KCND2: variants seen among roughly 807,000 people sequenced by gnomAD.
KCND2 encodes A-type voltage-gated potassium channel KCND2.
KCND2 carries 16 observed loss-of-function variants against 54.4 expected under a neutral mutation model. The ratio of observed to expected loss-of-function variants is 0.29; its 90% CI spans 0.20 to 0.45. The LOEUF is 0.45. Ranked by LOEUF, KCND2 falls within the 20% of genes least tolerant of loss-of-function variation. The pLI is 1.00. For missense variants in KCND2, 486 were observed against 824.2 expected, an observed-to-expected ratio of 0.59 and a Z score of 5.02; for synonymous variants, 317 against 310.7, an observed-to-expected ratio of 1.02 and a Z score of -0.21.
chr7:120,590,577 T>C (rs1792658237), intron 1 of KCND2, among the ~76,000 whole-genome samples: 1 of 152,216 alleles, frequency 6.6e-6, no homozygotes, highest in Non-Finnish European at 1.5e-5. Flanking sequence ...TCATTAAATA[T>C]ATTGCAAATG....
At chr7:120,602,371 T>C (rs1384427483) in intron 1 of KCND2, among the ~76,000 whole-genome samples, 2 of 152,184 alleles carry the variant, frequency 1.3e-5, no homozygotes, top group Non-Finnish European at 2.9e-5. Context: ...TTTGTTTTCC[T>C]CTTTGCCATT....
chr7:120,474,606 C>G (rs1410243746), intron 1 of KCND2, among the ~76,000 whole-genome samples: 2 of 151,738 alleles, frequency 1.3e-5, no homozygotes, highest in Non-Finnish European at 2.9e-5. Context: ...TCAGGTTATC[C>G]ACCTGCCTCA....
intron 1 of KCND2, among the ~76,000 whole-genome samples, chr7:120,390,578 T>A (rs543693987): frequency 4.9e-4 from 75 of 152,154 alleles, no homozygotes; most frequent in African/African-American, 1.7e-3. Flanking sequence ...GTTCAATTCC[T>A]ATGCTATATA....
intron 1 of KCND2, among the ~76,000 whole-genome samples, chr7:120,708,968 GAA>G (rs1330904742): frequency 1.1e-4 from 17 of 152,008 alleles, no homozygotes. Context: ...CTGAATCTTA[GAA>G]AAGTTAATTA....
intron 1 of KCND2, among the ~76,000 whole-genome samples, chr7:120,436,274 A>G (rs572328046): frequency 3.2e-4 from 49 of 152,362 alleles, no homozygotes; most frequent in African/African-American, 1.1e-3. Context: ...ATGGACTTTA[A>G]TATGTACTCA....
Position 120,557,244 on chromosome 7 carries a change from G to A in KCND2, c.1116-175659G>A, listed in dbSNP as rs1037399548. ...ATAAAGATAAAATCAGGGTAATTGG[G>A]AGGTCTCTTACCTTAAATATTTATC... On this transcript the variant is annotated intron_variant, in intron 1 of 5. Transcript: ENST00000331113. 2.0e-5 allele frequency among the ~76,000 whole-genome samples: 3 copies of A among 152,072 alleles called. No homozygotes were observed. The East Asian group carries it at 5.8e-4, about 29-fold the overall frequency.
intron 2 of KCND2, among the ~76,000 whole-genome samples, chr7:120,739,893 T>C (rs1047703512): frequency 2.0e-5 from 3 of 151,852 alleles, no homozygotes; most frequent in Non-Finnish European, 4.4e-5. Flanking sequence ...GATAAGCTCA[T>C]CATCATATTC....
At chr7:120,410,988 G>A (rs1380296309) in intron 1 of KCND2, among the ~76,000 whole-genome samples, 1 of 151,832 alleles carries the variant, frequency 6.6e-6, no homozygotes, top group African/African-American at 2.4e-5. Flanking sequence ...AAAAGAGGAA[G>A]TCAAATTGTC....
At chr7:120,695,081 A>G (rs1792317291) in intron 1 of KCND2, among the ~76,000 whole-genome samples, 1 of 152,190 alleles carries the variant, frequency 6.6e-6, no homozygotes, top group Admixed American at 6.6e-5. Flanking sequence ...CCTTAGGGGT[A>G]TAGTTCTTAT....
At chr7:120,284,314 C>T (rs879317936) in intron 1 of KCND2, among the ~76,000 whole-genome samples, 3 of 151,904 alleles carry the variant, frequency 2.0e-5, no homozygotes, top group Non-Finnish European at 2.9e-5. Flanking sequence ...CACACGCGCG[C>T]ACACTCCAAC....
rs546970317 is a variant in KCND2, at chr7:120,524,579, A to G, written c.1116-208324A>G. Among the ~76,000 whole-genome samples the G allele has an allele frequency of 9.3e-4, 142 of 152,338 alleles. 2 individuals carry two copies. Among genetic ancestry groups the G allele is most frequent in the South Asian group, 1.7e-3 (8 of 4,830 alleles). On this transcript the variant is annotated intron_variant, in intron 1 of 5. Transcript: ENST00000331113. ...TTACCTTAGAGTCATCTTAATTCAC[A>G]ATAATGACAGAAAGATAATTGCTGA...
intron 1 of KCND2, among the ~76,000 whole-genome samples, chr7:120,313,705 C>G (rs867143696): frequency 3.9e-4 from 58 of 146,970 alleles, no homozygotes; most frequent in African/African-American, 1.3e-3. Flanking sequence ...AAGCATTGCT[C>G]TTCTTTAGAA....
chr7:120,670,090 G>T (rs1791973724), intron 1 of KCND2, among the ~76,000 whole-genome samples: 1 of 151,976 alleles, frequency 6.6e-6, no homozygotes, highest in African/African-American at 2.4e-5. Context: ...TAAAATCTCA[G>T]AAATCACCAG....
intron 1 of KCND2, among the ~76,000 whole-genome samples, chr7:120,313,595 C>T (rs1026971592): frequency 2.0e-5 from 3 of 151,954 alleles, no homozygotes; most frequent in Admixed American, 6.6e-5. Flanking sequence ...TGGAATGACG[C>T]CTTGAAGTAG....
At chr7:120,384,049 T>C (rs1489124820) in intron 1 of KCND2, among the ~76,000 whole-genome samples, 1 of 152,116 alleles carries the variant, frequency 6.6e-6, no homozygotes, top group Admixed American at 6.6e-5. Flanking sequence ...GTCCCTGATA[T>C]AATATGGTAT....
At chr7:120,732,856 C>A (rs748645583) in intron 1 of KCND2, 47 bp from the exon 2 acceptor site, 7 of 1,519,118 alleles carry the variant, frequency 4.6e-6, no homozygotes, top group Non-Finnish European at 6.4e-6. Context: ...GTAGAAATGT[C>A]TTTCTGTGAC....
At chr7:120,279,065 C>T (rs1296472138) in intron 1 of KCND2, among the ~76,000 whole-genome samples, 1 of 151,812 alleles carries the variant, frequency 6.6e-6, no homozygotes, top group Non-Finnish European at 1.5e-5. Context: ...GTCCTAAAGT[C>T]CTTTGGAAAA....
intron 1 of KCND2, among the ~76,000 whole-genome samples, chr7:120,285,311 G>A (rs1401655955): frequency 6.6e-6 from 1 of 152,002 alleles, no homozygotes; most frequent in Non-Finnish European, 1.5e-5. Context: ...TATCTCACAA[G>A]ACTAGTTTAC....
At chr7:120,561,699 C>T (rs1029667418) in intron 1 of KCND2, among the ~76,000 whole-genome samples, 1 of 146,922 alleles carries the variant, frequency 6.8e-6, no homozygotes, top group Non-Finnish European at 1.5e-5. Flanking sequence ...GCATCCTTCG[C>T]CTCCCAGGTA....
Sources: allele counts gnomAD v4.1 joint callset (sites outside exome capture counted in the v4.1 genomes callset), GRCh38; gene constraint gnomAD v4.1.1; transcripts MANE v1.5; gene names NCBI Gene and HGNC (gene_info 2026-07-23, HGNC 2026-07-21).